The following PCDHB11 variants were observed in gnomAD, a reference collection of about 807,000 sequenced individuals.
The protein encoded by PCDHB11 is protocadherin beta 11.
For synonymous variants in PCDHB11, 522 were observed against 442.0 expected, an observed-to-expected ratio of 1.18 and a Z score of -2.27; for missense variants, 1,151 against 1,003.4, an observed-to-expected ratio of 1.15 and a Z score of -1.99.
In PCDHB11 at chr5:141,203,018, C is replaced by T. The variant is rs928834622; in HGVS notation, c.*850C>T. The T allele has an allele frequency of 6.6e-6, 1 of 152,150 alleles. No individual in the cohort carries two copies. Among genetic ancestry groups the T allele is most frequent in the Non-Finnish European group, 1.5e-5 (1 of 68,030 alleles). 9.4% of individuals were successfully genotyped at this position (152,150 alleles called of 1,614,324 possible). A position where few individuals can be genotyped will look rare whatever the true frequency, so the allele number is the denominator to read the frequency against. On this transcript the variant is annotated 3_prime_UTR_variant, in exon 1 of 1. Coordinates refer to ENST00000354757, the MANE Select transcript of PCDHB11 (RefSeq NM_018931.3). The stretch of plus-strand genomic sequence containing the variant: ...ATAATTTTAAGGTTTTAATCCTTTC[C>T]AAGTGTACAATAATTTACTGATTAT...
At position 141,201,938 on chromosome 5, in the gene PCDHB11, G is replaced by T. The variant is rs1473055754; in HGVS notation, c.2164G>T (p.Val722Leu). 6.2e-7 allele frequency: 1 copy of T among 1,614,002 alleles called. No homozygotes were observed. The highest frequency in any genetic ancestry group is 8.5e-7 in the Non-Finnish European group (1 of 1,180,014). Residue 722 changes from valine to leucine, a missense_variant, in exon 1 of 1, where the codon GTG becomes TTG. Transcript: ENST00000354757. The stretch of plus-strand genomic sequence containing the variant: ...GTGCAGGAGGAGCAGGGCGGCCTCG[G>T]TGGGAAGCTGCTCGGTGCCTAAGGG... ...RLCRRSRAAS[V>L]GSCSVPKGPF...
chr5:141,199,694 C>A lies in PCDHB11; in HGVS notation c.-81C>A, dbSNP rs1196714000. 1.2e-5 allele frequency: 15 copies of A among 1,257,760 alleles called. No individual in the cohort carries two copies. The highest frequency in any genetic ancestry group is 1.4e-5 in the Non-Finnish European group (13 of 897,516). The allele number at this position is 1,257,760 out of a possible 1,614,324, so 77.9% of individuals were successfully genotyped here. A position where few individuals can be genotyped will look rare whatever the true frequency, so the allele number is the denominator to read the frequency against. ...TTCAACAGGGTTAAAATCCTTAGAC[C>A]ACAGAGGATTTGGTGGACAAGTCAG... On this transcript the variant is annotated 5_prime_UTR_variant, in exon 1 of 1. Transcript: ENST00000354757.
rs781890281 is a variant in PCDHB11, at chr5:141,201,208, A to G, written c.1434A>G (p.Arg478=). Residue 478 remains arginine (R), a synonymous_variant, in exon 1 of 1, where the codon AGA becomes AGG. Transcript: ENST00000354757. ...LHIGSVSATD[R]DSGTNAQVNY... ...TCGGCAGTGTCAGCGCTACAGACAG[A>G]GACTCAGGCACCAACGCCCAGGTCA... is the stretch of plus-strand genomic sequence containing the variant. 1.7e-5 allele frequency: 27 copies of G among 1,613,100 alleles called. No homozygotes were observed. The highest frequency in any genetic ancestry group is 2.0e-5 in the Non-Finnish European group (24 of 1,180,018).
Position 141,200,088 on chromosome 5 carries a change from A to C in PCDHB11, c.314A>C (p.His105Pro). 6.2e-7 allele frequency: 1 copy of C among 1,614,152 alleles called. No individual in the cohort carries two copies. The highest frequency in any genetic ancestry group is 8.5e-7 in the Non-Finnish European group (1 of 1,180,034). The change falls in exon 1 of 1, where the codon CAT (histidine) becomes CCT (proline). Residue 105 changes from histidine (H) to proline (P), a missense_variant. His to Pro is a moderately conservative substitution (Grantham distance 77, BLOSUM62 -2). Coordinates refer to ENST00000354757, the MANE Select transcript of PCDHB11 (RefSeq NM_018931.3). ...LCGSIEPCVL[H>P]LQVLMQNPTQ... ...GGTTCCATCGAGCCTTGCGTGCTACATTTGCAGGTGTTAATGCAAAACCCC... is the reference window on the plus strand; with the variant it reads ...GGTTCCATCGAGCCTTGCGTGCTACCTTTGCAGGTGTTAATGCAAAACCCC...
chr5:141,200,998 A>C lies in PCDHB11; in HGVS notation c.1224A>C (p.Pro408=), dbSNP rs61744769. The C allele has an allele frequency of 4.3e-6, 7 of 1,614,100 alleles. No homozygotes were observed. In the African/African-American group the frequency reaches 6.7e-5, roughly 15 times the overall value. ...ENYYTLETER[P]LDRESTAEYN... ...ACTACACGTTGGAAACAGAGAGACC[A>C]CTGGACAGAGAGAGCACAGCCGAGT... The change falls in exon 1 of 1, where the codon CCA becomes CCC. Residue 408 remains proline, a synonymous_variant. Coordinates refer to ENST00000354757, the MANE Select transcript of PCDHB11 (RefSeq NM_018931.3).
At position 141,200,309 on chromosome 5, in the gene PCDHB11, C is replaced by A. The variant is rs1754139154; in HGVS notation, c.535C>A (p.His179Asn). Residue 179 changes from histidine to asparagine, a missense_variant, in exon 1 of 1, where the codon CAC becomes AAC. Physicochemically the swap from His to Asn is moderately conservative, Grantham distance 68. Coordinates refer to ENST00000354757, the MANE Select transcript of PCDHB11 (RefSeq NM_018931.3). ...CACAATAAGCCCCAACTCTCATTTTCACATTAAAATGAGAGTCATTCCAGA... is the reference window on the plus strand; with the variant it reads ...CACAATAAGCCCCAACTCTCATTTTAACATTAAAATGAGAGTCATTCCAGA... Reference protein sequence around the residue: ...SYTISPNSHFHIKMRVIPDNR... With the variant: ...SYTISPNSHFNIKMRVIPDNR... 6.2e-7 allele frequency: 1 copy of A among 1,614,048 alleles called. No individual in the cohort carries two copies. The highest frequency in any genetic ancestry group is 8.5e-7 in the Non-Finnish European group (1 of 1,180,026).
Position 141,201,726 on chromosome 5 carries a change from C to T in PCDHB11, c.1952C>T (p.Pro651Leu). The stretch of plus-strand genomic sequence containing the variant: ...CTGGTCAAGGACAATGGCGAGCCTC[C>T]GCGCTCGGCCACCGCCACGCTGCAA... ...VVLVKDNGEP[P>L]RSATATLQVL... The change falls in exon 1 of 1, where the codon CCG (proline) becomes CTG (leucine). Residue 651 changes from proline to leucine, a missense_variant. By Grantham distance (98) the Pro-to-Leu change is moderately conservative. Coordinates refer to ENST00000354757, the MANE Select transcript of PCDHB11 (RefSeq NM_018931.3). 6.2e-7 allele frequency: 1 copy of T among 1,607,456 alleles called. No individual in the cohort carries two copies. The highest frequency in any genetic ancestry group is 1.1e-5 in the South Asian group (1 of 90,968).
rs1248974501 is a variant in PCDHB11, at chr5:141,202,982, A to C, written c.*814A>C. ...ATATTAAGTAACAGGTAGTTAATCC[A>C]TTTCTAATGAATAATTTTAAGGTTT... On this transcript the variant is annotated 3_prime_UTR_variant, in exon 1 of 1. Transcript: ENST00000354757. The C allele has an allele frequency of 6.6e-6, 1 of 152,176 alleles. No homozygotes were observed. Among genetic ancestry groups the C allele is most frequent in the Admixed American group, 6.5e-5 (1 of 15,284 alleles). The allele number at this position is 152,176 out of a possible 1,614,324, so 9.4% of individuals were successfully genotyped here. A position where few individuals can be genotyped will look rare whatever the true frequency, so the allele number is the denominator to read the frequency against.
At position 141,201,328 on chromosome 5, in the gene PCDHB11, G is replaced by A; in HGVS notation, c.1554G>A (p.Ser518=). The stretch of plus-strand genomic sequence containing the variant: ...ACGGCCACCTGTTCGCCCTCAGGTC[G>A]CTGGACTACGAGGCCCTGCAGGCTT... ...TDNGHLFALR[S]LDYEALQAFD... Residue 518 remains serine (S), a synonymous_variant, in exon 1 of 1, where the codon TCG becomes TCA. Coordinates refer to ENST00000354757, the MANE Select transcript of PCDHB11 (RefSeq NM_018931.3). 1 of 1,613,478 alleles carries A rather than the reference G, an allele frequency of 6.2e-7. No homozygotes were observed. Among genetic ancestry groups the A allele is most frequent in the African/African-American group, 1.3e-5 (1 of 75,058 alleles).
chr5:141,201,503 C>T lies in PCDHB11; in HGVS notation c.1729C>T (p.Pro577Ser), dbSNP rs533323807. ...NGSAPCTELVPRAAEPGYLVT... is the reference protein window; with the variant it reads ...NGSAPCTELVSRAAEPGYLVT... ...CTCCGCGCCCTGCACCGAGCTGGTG[C>T]CCCGGGCGGCCGAGCCGGGCTACCT... Residue 577 changes from proline (P) to serine (S), a missense_variant, in exon 1 of 1, where the codon CCC becomes TCC. Pro to Ser is a moderately conservative substitution (Grantham distance 74). Transcript: ENST00000354757. The T allele has an allele frequency of 3.1e-3, 4,908 of 1,608,838 alleles. 73 individuals are homozygous for T. In the African/African-American group the frequency reaches 0.047, roughly 16 times the overall value.
rs781891201 is a variant in PCDHB11 at position 141,200,685 on chromosome 5, G to C, written c.911G>C (p.Arg304Thr). The C allele has an allele frequency of 3.3e-5, 54 of 1,614,038 alleles. No individual in the cohort carries two copies. The Admixed American group carries it at 8.8e-4, about 26-fold the overall frequency. The change falls in exon 1 of 1, where the codon AGA becomes ACA. Residue 304 changes from arginine (R) to threonine (T), a missense_variant. Coordinates refer to ENST00000354757, the MANE Select transcript of PCDHB11 (RefSeq NM_018931.3). ...CAAAAGTCTGGAGAAATTACTTTAA[G>C]AGCACCTCTGGATTTTGAAACGATT... ...INQKSGEITLRAPLDFETIES... is the reference protein window; with the variant it reads ...INQKSGEITLTAPLDFETIES...
chr5:141,201,196 C>A lies in PCDHB11; in HGVS notation c.1422C>A (p.Ser474Arg). ...CCGCCCTGCACATCGGCAGTGTCAGCGCTACAGACAGAGACTCAGGCACCA... is the reference window on the plus strand; with the variant it reads ...CCGCCCTGCACATCGGCAGTGTCAGAGCTACAGACAGAGACTCAGGCACCA... ...NSPALHIGSVSATDRDSGTNA... is the reference protein window; with the variant it reads ...NSPALHIGSVRATDRDSGTNA... Residue 474 changes from serine to arginine, a missense_variant, in exon 1 of 1, where the codon AGC becomes AGA. Coordinates refer to ENST00000354757, the MANE Select transcript of PCDHB11 (RefSeq NM_018931.3). 6.2e-7 allele frequency: 1 copy of A among 1,613,332 alleles called. No homozygotes were observed. The highest frequency in any genetic ancestry group is 1.1e-5 in the South Asian group (1 of 91,038).
In PCDHB11 at chr5:141,201,169, C is replaced by T. The variant is rs1315295600; in HGVS notation, c.1395C>T (p.Ser465=). The T allele has an allele frequency of 1.9e-6, 3 of 1,613,676 alleles. No homozygotes were observed. Among genetic ancestry groups the T allele is most frequent in the African/African-American group, 1.3e-5 (1 of 75,048 alleles). Residue 465 remains serine (S), a synonymous_variant, in exon 1 of 1, where the codon AGC becomes AGT. Transcript: ENST00000354757. ...SYTLFVRENN[S]PALHIGSVSA... is the part of the protein sequence containing the mutation. ...CCCTGTTCGTCCGCGAGAACAACAG[C>T]CCCGCCCTGCACATCGGCAGTGTCA...
rs781973677 is a variant in PCDHB11 at position 141,200,041 on chromosome 5, A to G, written c.267A>G (p.Thr89=). The G allele has an allele frequency of 1.3e-5, 21 of 1,614,162 alleles. No homozygotes were observed. In the Admixed American group the frequency reaches 3.3e-4, roughly 26 times the overall value. ...INTGDLLLSE[T]LDREELCGSI... is the part of the protein sequence containing the mutation. ...CTGGGGATTTGCTCTTAAGTGAAAC[A>G]CTAGACAGGGAGGAGCTCTGCGGTT... Residue 89 remains threonine, a synonymous_variant, in exon 1 of 1, where the codon ACA becomes ACG. Transcript: ENST00000354757.
rs1754255435 is a variant in PCDHB11, at chr5:141,203,667, T to A, written c.*1499T>A. ...ATATACTACACTTACTTGGCTAATA[T>A]TTTTAATGCTTTTGTGTGTGTATAT... On this transcript the variant is annotated 3_prime_UTR_variant, in exon 1 of 1. Coordinates refer to ENST00000354757, the MANE Select transcript of PCDHB11 (RefSeq NM_018931.3). 6.6e-6 allele frequency: 1 copy of A among 150,578 alleles called. No individual in the cohort carries two copies. The highest frequency in any genetic ancestry group is 6.7e-5 in the Admixed American group (1 of 14,920). The allele number at this position is 150,578 out of a possible 1,614,324, so 9.3% of individuals were successfully genotyped here. A position where few individuals can be genotyped will look rare whatever the true frequency, so the allele number is the denominator to read the frequency against.
rs1754138408 is a variant in PCDHB11 at position 141,200,293 on chromosome 5, C to T, written c.519C>T (p.Ser173=). 6.2e-7 allele frequency: 1 copy of T among 1,614,140 alleles called. No homozygotes were observed. Among genetic ancestry groups the T allele is most frequent in the Middle Eastern group, 1.6e-4 (1 of 6,062 alleles). The change falls in exon 1 of 1, where the codon AGC becomes AGT. Residue 173 remains serine, a synonymous_variant. Transcript: ENST00000354757. The part of the protein sequence containing the change: ...GINAVKSYTI[S]PNSHFHIKMR... ...ATGCTGTAAAAAGCTACACAATAAGCCCCAACTCTCATTTTCACATTAAAA... is the reference window on the plus strand; with the variant it reads ...ATGCTGTAAAAAGCTACACAATAAGTCCCAACTCTCATTTTCACATTAAAA...
chr5:141,202,095 T>C lies in PCDHB11; in HGVS notation c.2321T>C (p.Ile774Thr). ...FKFLKPVIPN[I>T]QAKGLGKNSE... ...TTCCTAAAACCGGTTATCCCTAATA[T>C]CCAGGCAAAAGGTCTTGGGAAGAAT... is the stretch of plus-strand genomic sequence containing the variant. Residue 774 changes from isoleucine to threonine, a missense_variant, in exon 1 of 1, where the codon ATC (isoleucine) becomes ACC (threonine). Transcript: ENST00000354757. 6.2e-7 allele frequency: 1 copy of C among 1,614,152 alleles called. No individual in the cohort carries two copies. Among genetic ancestry groups the C allele is most frequent in the Non-Finnish European group, 8.5e-7 (1 of 1,180,024 alleles).
rs1249276884 is a variant in PCDHB11 at position 141,200,304 on chromosome 5, A to G, written c.530A>G (p.His177Arg). ...AGCTACACAATAAGCCCCAACTCTCATTTTCACATTAAAATGAGAGTCATT... is the reference window on the plus strand; with the variant it reads ...AGCTACACAATAAGCCCCAACTCTCGTTTTCACATTAAAATGAGAGTCATT... ...VKSYTISPNSHFHIKMRVIPD... is the reference protein window; with the variant it reads ...VKSYTISPNSRFHIKMRVIPD... The change falls in exon 1 of 1, where the codon CAT becomes CGT. Residue 177 changes from histidine to arginine, a missense_variant. Coordinates refer to ENST00000354757, the MANE Select transcript of PCDHB11 (RefSeq NM_018931.3). 18 of 1,613,980 alleles carry G rather than the reference A, an allele frequency of 1.1e-5. No homozygotes were observed. Among genetic ancestry groups the G allele is most frequent in the Middle Eastern group, 1.6e-4 (1 of 6,084 alleles).
chr5:141,200,991 A>C lies in PCDHB11; in HGVS notation c.1217A>C (p.Glu406Ala). ...SVENYYTLET[E>A]RPLDRESTAE... ...GAGAATTACTACACGTTGGAAACAG[A>C]GAGACCACTGGACAGAGAGAGCACA... The change falls in exon 1 of 1, where the codon GAG (glutamate) becomes GCG (alanine). Residue 406 changes from glutamate to alanine, a missense_variant. By Grantham distance (107) the Glu-to-Ala change is moderately radical (BLOSUM62 -1). Transcript: ENST00000354757. The C allele has an allele frequency of 1.2e-6, 2 of 1,613,778 alleles. No homozygotes were observed. Among genetic ancestry groups the C allele is most frequent in the Non-Finnish European group, 1.7e-6 (2 of 1,180,022 alleles).
Sources: gnomAD v4.1 joint callset for allele counts on GRCh38, gnomAD v4.1.1 for gene constraint, MANE v1.5 for transcripts, NCBI Gene and HGNC (gene_info 2026-07-23, HGNC 2026-07-21) for gene names.